The following GLCCI1 variants were observed in gnomAD, a reference collection of about 807,000 sequenced individuals.
The protein encoded by GLCCI1 is glucocorticoid-induced transcript 1 protein.
Under a neutral mutation model 52.2 loss-of-function variants are expected in GLCCI1, and 24 were observed. The ratio of observed to expected loss-of-function variants is 0.46; its 90% CI spans 0.33 to 0.65. GLCCI1 has a LOEUF of 0.65. Among genes scored for constraint, GLCCI1 ranks in the 30% least tolerant of loss-of-function variants. The pLI is 0.02. For missense variants in GLCCI1, 704 were observed against 701.5 expected, an observed-to-expected ratio of 1.00 and a Z score of -0.04; for synonymous variants, 310 against 276.5, an observed-to-expected ratio of 1.12 and a Z score of -1.20.
At chr7:8,071,176 C>A (rs761909005) in intron 6 of GLCCI1, 45 bp downstream of exon 6, 1 of 1,431,534 alleles carries the variant, frequency 7.0e-7, no homozygotes, top group South Asian at 1.2e-5. Flanking sequence ...ATGGGCCTTG[C>A]TCATTATACC....
chr7:7,970,284 A>C (rs558270341), intron 1 of GLCCI1, among the ~76,000 whole-genome samples: 3 of 152,144 alleles, frequency 2.0e-5, no homozygotes, highest in Admixed American at 6.5e-5. Context: ...CGATGTAAGG[A>C]TATCGGCTGG....
At chr7:8,050,362 CA>C (rs1040901487) in intron 3 of GLCCI1, among the ~76,000 whole-genome samples, 96 of 152,082 alleles carry the variant, frequency 6.3e-4, no homozygotes, top group African/African-American at 2.3e-3. Context: ...TATAGGAAGG[CA>C]GAAGTTTAAA....
chr7:8,081,195 A>AC (rs1225307725), intron 6 of GLCCI1, among the ~76,000 whole-genome samples: 1 of 151,590 alleles, frequency 6.6e-6, no homozygotes, highest in Non-Finnish European at 1.5e-5. Context: ...TTTACCCCCC[A>AC]CCTCCCTACC....
At chr7:8,011,908 C>T (rs957695231) in intron 2 of GLCCI1, among the ~76,000 whole-genome samples, 9 of 151,822 alleles carry the variant, frequency 5.9e-5, no homozygotes, top group Non-Finnish European at 7.4e-5. Context: ...CTCTGCCTCC[C>T]GGGTTCACGC....
chr7:8,051,255 C>G (rs938775153), intron 3 of GLCCI1, among the ~76,000 whole-genome samples: 1 of 152,206 alleles, frequency 6.6e-6, no homozygotes, highest in African/African-American at 2.4e-5. Context: ...CAGAAATAGA[C>G]ATCATAGTTG....
chr7:8,011,613 TG>T (rs1331123024), intron 2 of GLCCI1, among the ~76,000 whole-genome samples: 1 of 152,172 alleles, frequency 6.6e-6, no homozygotes. Context: ...CATTAGTGTG[TG>T]GGTATCTTTT....
intron 1 of GLCCI1, among the ~76,000 whole-genome samples, chr7:8,002,155 A>G (rs1284924484): frequency 6.6e-6 from 1 of 152,166 alleles, no homozygotes; most frequent in East Asian, 1.9e-4. Flanking sequence ...CTAAAATATA[A>G]AGGTCAAAAA....
At chr7:8,052,835 C>A (rs955816952) in intron 3 of GLCCI1, among the ~76,000 whole-genome samples, 1 of 152,070 alleles carries the variant, frequency 6.6e-6, no homozygotes, top group Admixed American at 6.6e-5. Flanking sequence ...CCAAAGCCCC[C>A]AAATCCTGCT....
intron 2 of GLCCI1, among the ~76,000 whole-genome samples, chr7:8,007,829 A>T (rs940796988): frequency 1.3e-5 from 2 of 152,176 alleles, no homozygotes; most frequent in African/African-American, 4.8e-5. Flanking sequence ...ATTGTTTAGT[A>T]TGTTTACATA....
intron 5 of GLCCI1, among the ~76,000 whole-genome samples, chr7:8,061,484 GGTCATA>G (rs1175101562): frequency 3.9e-5 from 6 of 151,972 alleles, no homozygotes; most frequent in African/African-American, 1.5e-4. Context: ...GAAATTGCTA[GGTCATA>G]GCATTTGTAC....
chr7:8,024,222 G>T (rs1415573956), intron 3 of GLCCI1, among the ~76,000 whole-genome samples: 1 of 152,032 alleles, frequency 6.6e-6, no homozygotes, highest in Non-Finnish European at 1.5e-5. Context: ...GGACTGCATA[G>T]ATATAGTTTA....
chr7:8,052,139 G>A (rs1782271946), intron 3 of GLCCI1, among the ~76,000 whole-genome samples: 1 of 151,974 alleles, frequency 6.6e-6, no homozygotes, highest in Admixed American at 6.6e-5. Context: ...GTGTCTTTCA[G>A]TGAAGGAAAA....
In GLCCI1 at chr7:8,004,033, T is replaced by G. The variant is rs757785515; in HGVS notation, c.583T>G (p.Ser195Ala). The G allele has an allele frequency of 1.2e-6, 2 of 1,613,322 alleles. No homozygotes were observed. Among genetic ancestry groups the G allele is most frequent in the Admixed American group, 3.3e-5 (2 of 59,932 alleles). Reference sequence around the variant, plus strand: ...ACGGGATCCTCATGTTCACTACCCTTCATGCATGAAAGACAAAGCTACTCA... The same window carrying G: ...ACGGGATCCTCATGTTCACTACCCTGCATGCATGAAAGACAAAGCTACTCA... ...WPRDPHVHYP[S>A]CMKDKATQTP... The change falls in exon 2 of 8, where the codon TCA (serine) becomes GCA (alanine). Residue 195 changes from serine to alanine, a missense_variant. Transcript: ENST00000223145.
At chr7:8,003,792 A>T in intron 1 of GLCCI1, 116 bp from the exon 2 acceptor site, 1 of 849,074 alleles carries the variant, frequency 1.2e-6, no homozygotes, top group African/African-American at 1.7e-5. Flanking sequence ...CTATTAGTGT[A>T]AATATATATA....
At chr7:8,009,992 A>T (rs1781232717) in intron 2 of GLCCI1, among the ~76,000 whole-genome samples, 1 of 147,900 alleles carries the variant, frequency 6.8e-6, no homozygotes, top group Non-Finnish European at 1.5e-5. Flanking sequence ...TCTTAATCTT[A>T]TTTAAACATT....
intron 2 of GLCCI1, among the ~76,000 whole-genome samples, chr7:8,010,413 C>T (rs186868010): frequency 2.6e-5 from 4 of 152,258 alleles, no homozygotes; most frequent in East Asian, 3.9e-4. Context: ...GCCTAAACAT[C>T]GAATTTCCAC....
At chr7:8,012,432 C>CTTTTTTTGTTTTTTTTTTTTTTTTT in intron 2 of GLCCI1, among the ~76,000 whole-genome samples, 1 of 70,396 alleles carries the variant, frequency 1.4e-5, no homozygotes, top group Non-Finnish European at 2.5e-5. Context: ...CCTTTTTATT[C>CTTTTTTTGTTTTTTTTTTTTTTTTT]TTTTTTTTTT....
chr7:7,990,903 G>C (rs139330675), intron 1 of GLCCI1, among the ~76,000 whole-genome samples: 56 of 152,168 alleles, frequency 3.7e-4, no homozygotes, highest in African/African-American at 1.3e-3. Context: ...GTGTTTCCTA[G>C]TAAACAACAT....
intron 3 of GLCCI1, among the ~76,000 whole-genome samples, 159 bp from the exon 4 acceptor site, chr7:8,055,274 A>G (rs1262388500): frequency 1.8e-4 from 28 of 152,242 alleles, no homozygotes. Flanking sequence ...ATTTTTAATA[A>G]TCCCAAAAAC....
Sources: allele counts gnomAD v4.1 joint callset (sites outside exome capture counted in the v4.1 genomes callset), GRCh38; gene constraint gnomAD v4.1.1; transcripts MANE v1.5; gene names NCBI Gene and HGNC (gene_info 2026-07-23, HGNC 2026-07-21).